Variants in LRRK1 observed in about 807,000 individuals in gnomAD.
The protein encoded by LRRK1 is leucine rich repeat kinase 1.
In LRRK1, 113 loss-of-function variants were observed where a neutral mutation model predicts 209.1. That is an observed-to-expected ratio of 0.54 (90% CI 0.46 to 0.63). The LOEUF (loss-of-function observed/expected upper bound fraction) is 0.63. Ranked by LOEUF, LRRK1 falls within the 30% of genes least tolerant of loss-of-function variation. LRRK1 has a pLI of 0.00. For synonymous variants in LRRK1, 1,144 were observed against 1,099.7 expected, an observed-to-expected ratio of 1.04 and a Z score of -0.80; for missense variants, 2,284 against 2,632.2, an observed-to-expected ratio of 0.87 and a Z score of 2.89.
Position 101,061,168 on chromosome 15 carries a change from C to T in LRRK1, c.4680-3C>T. ...CTGACAGCACAGTTTCTGCCACTTA[C>T]AGGAACTACACGGTGGTGAACACAG... On this transcript the variant is annotated splice_polypyrimidine_tract_variant and splice_region_variant and intron_variant, in intron 29 of 33. Coordinates refer to ENST00000388948, the MANE Select transcript of LRRK1 (RefSeq NM_024652.6). 1.2e-6 allele frequency: 2 copies of T among 1,611,512 alleles called. No homozygotes were observed. Among genetic ancestry groups the T allele is most frequent in the Non-Finnish European group, 8.5e-7 (1 of 1,177,838 alleles).
At position 101,008,837 on chromosome 15, in the gene LRRK1, G is replaced by C; in HGVS notation, c.763G>C (p.Ala255Pro). 3 of 1,611,436 alleles carry C rather than the reference G, an allele frequency of 1.9e-6. No homozygotes were observed. Among genetic ancestry groups the C allele is most frequent in the Non-Finnish European group, 2.5e-6 (3 of 1,177,582 alleles). ...PLPSSYPGKT[A>P]LRVKWSHLRL... is the part of the protein sequence containing the mutation. ...GCTTTTCCTTTCTTTCCACCACCAG[G>C]CTCTCCGTGTGAAATGGTCCCATCT... Residue 255 changes from alanine (A) to proline (P), a missense_variant and splice_region_variant, in exon 7 of 34, where the codon GCT (alanine) becomes CCT (proline). Ala to Pro is a conservative substitution (Grantham distance 27). Transcript: ENST00000388948.
intron 6 of LRRK1, among the ~76,000 whole-genome samples, chr15:100,995,967 T>G (rs757529623): frequency 1.3e-5 from 2 of 152,244 alleles, no homozygotes; most frequent in Non-Finnish European, 2.9e-5. Flanking sequence ...CCACCCTTCA[T>G]GTCTGTGTGT....
chr15:100,996,693 G>T (rs1011749584), intron 6 of LRRK1, among the ~76,000 whole-genome samples: 13 of 152,160 alleles, frequency 8.5e-5, no homozygotes, highest in African/African-American at 3.1e-4. Flanking sequence ...GGGTAGCCAG[G>T]GTCACGTGGC....
At chr15:101,043,721 G>T (rs564477523) in intron 20 of LRRK1, 1 of 152,248 alleles carries the variant, frequency 6.6e-6, no homozygotes, top group African/African-American at 2.4e-5. Flanking sequence ...GGACGCACAA[G>T]TATGAATCCC....
chr15:101,047,563 C>T (rs2035153525), intron 21 of LRRK1, among the ~76,000 whole-genome samples: 2 of 152,340 alleles, frequency 1.3e-5, no homozygotes, highest in Non-Finnish European at 1.5e-5. Context: ...TATTGAAATT[C>T]AGATGGGTGA....
intron 12 of LRRK1, among the ~76,000 whole-genome samples, chr15:101,019,692 C>T (rs908145258): frequency 2.6e-5 from 4 of 152,200 alleles, no homozygotes; most frequent in Non-Finnish European, 4.4e-5. Context: ...AAAAGAACTC[C>T]GGCTTCTCTA....
intron 2 of LRRK1, among the ~76,000 whole-genome samples, chr15:100,968,786 TCCTTCCCCTTCC>T (rs527686938): frequency 1.6e-3 from 226 of 143,796 alleles, no homozygotes; most frequent in Admixed American, 3.1e-3. Context: ...CCTTCCCCTT[TCCTTCCCCTTCC>T]CCTTCCCCTT....
intron 26 of LRRK1, among the ~76,000 whole-genome samples, chr15:101,053,733 C>A (rs889887209): frequency 1.3e-5 from 2 of 152,224 alleles, no homozygotes; most frequent in African/African-American, 2.4e-5. Context: ...GGGAGGGCAC[C>A]GAGCACGGGA....
chr15:101,009,455 G>A (rs1235459774), intron 7 of LRRK1, among the ~76,000 whole-genome samples: 2 of 152,230 alleles, frequency 1.3e-5, no homozygotes, highest in African/African-American at 2.4e-5. Flanking sequence ...AACTCTGCAG[G>A]ACTCTGGCAG....
chr15:100,920,285 C>T (rs2041998702), intron 1 of LRRK1: 1 of 152,262 alleles, frequency 6.6e-6, no homozygotes, highest in East Asian at 1.9e-4. Context: ...TAGCTTTCAG[C>T]AAACCTCTCA....
intron 24 of LRRK1, 77 bp from the exon 25 acceptor site, chr15:101,052,845 T>TG: frequency 3.3e-6 from 5 of 1,505,148 alleles, no homozygotes; most frequent in Non-Finnish European, 4.5e-6. Flanking sequence ...TCTCGGCCGT[T>TG]GGGGCAAATG....
rs570967436 is a variant in LRRK1, at chr15:101,068,815, C to A, written c.6015C>A (p.Gly2005=). The A allele has an allele frequency of 9.3e-6, 15 of 1,609,784 alleles. No individual in the cohort carries two copies. The Middle Eastern group carries it at 5.8e-4, about 62-fold the overall frequency. ...DIFYQSYEEL[G]RLEACTRKRR The stretch of plus-strand genomic sequence containing the variant: ...TCTACCAGTCCTACGAGGAGCTGGG[C>A]CGGCTGGAGGCTTGCACTCGCAAGA... Residue 2005 remains glycine, a synonymous_variant, in exon 34 of 34, where the codon GGC becomes GGA. Coordinates refer to ENST00000388948, the MANE Select transcript of LRRK1 (RefSeq NM_024652.6).
At chr15:100,996,360 A>T (rs2032410703) in intron 6 of LRRK1, among the ~76,000 whole-genome samples, 3 of 152,256 alleles carry the variant, frequency 2.0e-5, no homozygotes, top group Admixed American at 2.0e-4. Flanking sequence ...GGTGACAGCC[A>T]GGGCTGGGGC....
chr15:100,978,118 C>G (rs1322749201), intron 3 of LRRK1, among the ~76,000 whole-genome samples: 1 of 151,930 alleles, frequency 6.6e-6, no homozygotes, highest in African/African-American at 2.4e-5. Context: ...ATGGGCTCAA[C>G]TGTAGAATGG....
At chr15:100,992,962 A>G (rs919691947) in intron 6 of LRRK1, among the ~76,000 whole-genome samples, 4 of 152,062 alleles carry the variant, frequency 2.6e-5, no homozygotes, top group Admixed American at 6.6e-5. Context: ...TGCCCGGCCC[A>G]TATGTTCTTT....
chr15:100,941,288 GTC>G (rs775504144), intron 2 of LRRK1, among the ~76,000 whole-genome samples: 15,174 of 89,152 alleles, frequency 0.17, 1,203 homozygotes, highest in South Asian at 0.29. Flanking sequence ...CCGTGTGTGT[GTC>G]TGTGTGTGTC....
chr15:101,032,900 G>C (rs1216181712), intron 20 of LRRK1, among the ~76,000 whole-genome samples: 1 of 152,176 alleles, frequency 6.6e-6, no homozygotes, highest in Non-Finnish European at 1.5e-5. Flanking sequence ...TAGCTTTAGA[G>C]TAAGACTTGA....
intron 2 of LRRK1, among the ~76,000 whole-genome samples, chr15:100,941,212 CTGTA>C (rs1158775281): frequency 1.4e-5 from 2 of 138,020 alleles, no homozygotes; most frequent in African/African-American, 2.8e-5. Context: ...CTGTGTGTGT[CTGTA>C]TGTGTCTGTG....
At chr15:100,990,040 A>G (rs2032076737) in intron 6 of LRRK1, among the ~76,000 whole-genome samples, 2 of 152,200 alleles carry the variant, frequency 1.3e-5, no homozygotes, top group South Asian at 4.1e-4. Context: ...CCCTTGAAGT[A>G]AATAGTTTAA....
Sources: allele counts gnomAD v4.1 joint callset (sites outside exome capture counted in the v4.1 genomes callset), GRCh38; gene constraint gnomAD v4.1.1; transcripts MANE v1.5; gene names NCBI Gene and HGNC (gene_info 2026-07-23, HGNC 2026-07-21).